The following EPHA5 variants were observed in gnomAD, a reference collection of about 807,000 sequenced individuals.
The protein encoded by EPHA5 is ephrin type-A receptor 5.
Under a neutral mutation model 105.0 loss-of-function variants are expected in EPHA5, and 60 were observed. The ratio of observed to expected loss-of-function variants is 0.57; its 90% confidence interval spans 0.46 to 0.71. The LOEUF is 0.71. Among genes scored for constraint, EPHA5 ranks in the 30% least tolerant of loss-of-function variants. The pLI is 0.00. For synonymous variants in EPHA5, 513 were observed against 449.1 expected (o/e 1.14, Z -1.80); for missense variants, 1,218 against 1,274.7 (o/e 0.96, Z 0.68).
At chr4:65,400,388 A>C (rs537846451) in intron 8 of EPHA5, among the ~76,000 whole-genome samples, 1 of 152,298 alleles carries the variant, frequency 6.6e-6, no homozygotes, top group African/African-American at 2.4e-5. Context: ...TTAAAGGTTA[A>C]TGGGAAACAG....
chr4:65,425,776 G>T (rs1305588703), intron 5 of EPHA5, among the ~76,000 whole-genome samples: 3 of 151,942 alleles, frequency 2.0e-5, no homozygotes, highest in Non-Finnish European at 4.4e-5. Context: ...ATCATTGTTA[G>T]CAACTTTGCC....
chr4:65,348,748 C>CATAT (rs10633854), intron 13 of EPHA5, among the ~76,000 whole-genome samples: 22 of 73,124 alleles, frequency 3.0e-4, no homozygotes, highest in East Asian at 8.3e-4. Context: ...TATGTGTGTG[C>CATAT]ATATATATAT....
chr4:65,579,468 C>T (rs1741400327), intron 3 of EPHA5, among the ~76,000 whole-genome samples: 1 of 150,030 alleles, frequency 6.7e-6, no homozygotes, highest in African/African-American at 2.4e-5. Context: ...ATGTGAGATG[C>T]CTGAATATGG....
intron 15 of EPHA5, among the ~76,000 whole-genome samples, chr4:65,332,923 T>A (rs929599921): frequency 6.6e-6 from 1 of 151,922 alleles, no homozygotes; most frequent in African/African-American, 2.4e-5. Flanking sequence ...ATTTATTCTT[T>A]ATTTTACACT....
intron 5 of EPHA5, among the ~76,000 whole-genome samples, chr4:65,458,371 C>T (rs981442315): frequency 6.6e-6 from 1 of 152,022 alleles, no homozygotes; most frequent in African/African-American, 2.4e-5. Context: ...TGAACTAGAC[C>T]ATTCTAAATC....
intron 3 of EPHA5, among the ~76,000 whole-genome samples, chr4:65,554,326 C>A (rs1410626688): frequency 6.7e-6 from 1 of 150,028 alleles, no homozygotes; most frequent in Admixed American, 6.7e-5. Flanking sequence ...TTACATGGGG[C>A]TTTATTATGT....
At chr4:65,630,265 G>C (rs967184107) in intron 2 of EPHA5, among the ~76,000 whole-genome samples, 6 of 152,166 alleles carry the variant, frequency 3.9e-5, no homozygotes, top group African/African-American at 1.4e-4. Context: ...GAGATCTCAA[G>C]AGTTGGGCGG....
intron 2 of EPHA5, among the ~76,000 whole-genome samples, chr4:65,630,850 T>C (rs1255243343): frequency 2.0e-5 from 3 of 152,152 alleles, no homozygotes; most frequent in Non-Finnish European, 4.4e-5. Context: ...AACAGAATAA[T>C]AAATAATTAA....
intron 5 of EPHA5, among the ~76,000 whole-genome samples, chr4:65,437,763 G>A (rs1003489868): frequency 5.3e-5 from 8 of 151,926 alleles, no homozygotes; most frequent in African/African-American, 1.9e-4. Flanking sequence ...ATAGTCATTT[G>A]TAAAATTGGG....
chr4:65,419,019 G>A (rs1723680887), intron 6 of EPHA5, among the ~76,000 whole-genome samples: 1 of 151,258 alleles, frequency 6.6e-6, no homozygotes, highest in Non-Finnish European at 1.5e-5. Flanking sequence ...GAGCAGCTGG[G>A]ATTACAGGTG....
At chr4:65,368,914 T>C (rs1179821870) in intron 8 of EPHA5, among the ~76,000 whole-genome samples, 1 of 152,160 alleles carries the variant, frequency 6.6e-6, no homozygotes, top group East Asian at 1.9e-4. Flanking sequence ...CTGTCAAAGT[T>C]CAGTTCCATT....
chr4:65,659,319 G>GAAAAAAAAAAAAAAAA (rs5858980), intron 1 of EPHA5, among the ~76,000 whole-genome samples: 2 of 71,600 alleles, frequency 2.8e-5, no homozygotes, highest in African/African-American at 1.1e-4. Context: ...TAGAGTAACA[G>GAAAAAAAAAAAAAAAA]AAAAAAAAAA....
intron 1 of EPHA5, among the ~76,000 whole-genome samples, chr4:65,653,092 A>G (rs1222011736): frequency 6.6e-6 from 1 of 152,102 alleles, no homozygotes; most frequent in Non-Finnish European, 1.5e-5. Flanking sequence ...CCTAATGCTT[A>G]AGTGAATTAT....
intron 3 of EPHA5, among the ~76,000 whole-genome samples, chr4:65,538,356 A>G (rs1469739382): frequency 6.6e-6 from 1 of 151,812 alleles, no homozygotes; most frequent in Non-Finnish European, 1.5e-5. Context: ...AAAATTGATT[A>G]TGTTAAATGT....
intron 3 of EPHA5, among the ~76,000 whole-genome samples, chr4:65,526,709 C>T (rs1287290708): frequency 6.6e-6 from 1 of 152,068 alleles, no homozygotes; most frequent in East Asian, 1.9e-4. Context: ...ACCAAAATGT[C>T]ATGAGAGCCA....
At chr4:65,448,413 C>T (rs1218395859) in intron 5 of EPHA5, among the ~76,000 whole-genome samples, 4 of 151,958 alleles carry the variant, frequency 2.6e-5, no homozygotes, top group East Asian at 1.9e-4. Context: ...TTTGTGAGGC[C>T]GAGGAGGACA....
chr4:65,580,607 CAAATAAAATA>C (rs886951348), intron 3 of EPHA5, among the ~76,000 whole-genome samples: 10 of 151,394 alleles, frequency 6.6e-5, no homozygotes, highest in Non-Finnish European at 1.5e-4. Context: ...AAACACATAT[CAAATAAAATA>C]AAATAAAATA....
At chr4:65,470,300 T>C (rs6823231) in intron 5 of EPHA5, among the ~76,000 whole-genome samples, 32,394 of 151,686 alleles carry the variant, frequency 0.21, 4,357 homozygotes, top group Middle Eastern at 0.36. Context: ...CAAGTGATTA[T>C]CCCACCTCAG....
intron 14 of EPHA5, among the ~76,000 whole-genome samples, 197 bp downstream of exon 14, chr4:65,347,857 A>T (rs1722368877): frequency 6.6e-6 from 1 of 152,168 alleles, no homozygotes; most frequent in South Asian, 2.1e-4. Context: ...TATAACTGTA[A>T]CTTACTTTCC....
Sources: gnomAD v4.1 joint callset for allele counts (sites outside exome capture counted in the v4.1 genomes callset) on GRCh38, gnomAD v4.1.1 for gene constraint, MANE v1.5 for transcripts, NCBI Gene and HGNC (gene_info 2026-07-23, HGNC 2026-07-21) for gene names.